The following VPS13A variants were observed in gnomAD, a reference collection of about 807,000 sequenced individuals.
The protein encoded by VPS13A is vacuolar protein sorting 13 homolog A.
Under a neutral mutation model 390.9 loss-of-function variants are expected in VPS13A, and 264 were observed. That is an observed-to-expected ratio of 0.68 (90% CI 0.61 to 0.75). The LOEUF is 0.75. VPS13A is among the 30% of genes least tolerant of loss of function. The pLI, the probability that VPS13A is intolerant of heterozygous loss-of-function variation, is 0.00. For missense variants in VPS13A, 3,409 were observed against 3,733.9 expected (o/e 0.91, Z 2.27); for synonymous variants, 1,231 against 1,227.1 (o/e 1.00, Z -0.07).
chr9:77,381,979 T>C lies in VPS13A; in HGVS notation c.9081T>C (p.Ala3027=). The C allele has an allele frequency of 6.2e-7, 1 of 1,600,488 alleles. No individual in the cohort carries two copies. The highest frequency in any genetic ancestry group is 2.3e-5 in the East Asian group (1 of 44,442). ...ASSTFQGIKR[A]TETSEVESLR... is the part of the protein sequence containing the mutation. ...AGTTATATTTTTTTTCCTCTAGAGC[T>C]ACAGAGACTTCTGAAGTGGAGAGTC... The change falls in exon 68 of 72, where the codon GCT becomes GCC. Residue 3027 remains alanine, a synonymous_variant. Coordinates refer to ENST00000360280, the MANE Select transcript of VPS13A (RefSeq NM_033305.3).
intron 34 of VPS13A, 123 bp downstream of exon 34, chr9:77,303,185 G>A (rs911300903): frequency 3.0e-6 from 3 of 997,244 alleles, no homozygotes; most frequent in African/African-American, 3.2e-5. Flanking sequence ...AATTGAAATA[G>A]TGATTATATT....
intron 17 of VPS13A, among the ~76,000 whole-genome samples, chr9:77,234,598 T>A (rs1315066916): frequency 2.0e-5 from 3 of 152,200 alleles, no homozygotes; most frequent in South Asian, 4.1e-4. Flanking sequence ...TTGTATCATG[T>A]TTTTTTCATC....
chr9:77,225,689 G>A (rs1374555558), intron 13 of VPS13A, among the ~76,000 whole-genome samples: 1 of 152,078 alleles, frequency 6.6e-6, no homozygotes, highest in Non-Finnish European at 1.5e-5. Context: ...TCTTTATGCA[G>A]AATATGTATT....
intron 16 of VPS13A, 102 bp downstream of exon 16, chr9:77,227,587 A>T: frequency 1.1e-6 from 1 of 894,906 alleles, no homozygotes; most frequent in South Asian, 1.5e-5. Flanking sequence ...CAGTGGTGTG[A>T]TCTCTGCTGC....
In VPS13A at chr9:77,370,914, A is replaced by G. The variant is rs200666372; in HGVS notation, c.8932A>G (p.Ile2978Val). The G allele has an allele frequency of 1.4e-5, 22 of 1,613,592 alleles. No individual in the cohort carries two copies. The highest frequency in any genetic ancestry group is 2.7e-5 in the African/African-American group (2 of 74,934). ...GGGATTTGTTAGTGGCATAACAGGA[A>G]TTGTTACAAAACCAATCAAAGGCAA... ...VSGFVSGITG[I>V]VTKPIKGAQK... The change falls in exon 66 of 72, where the codon ATT becomes GTT. Residue 2978 changes from isoleucine to valine, a missense_variant. This residue lies in a region of VPS13A where 318 missense variants were observed against 333.7 expected (regional missense o/e 0.95). Transcript: ENST00000360280.
chr9:77,278,979 G>A (rs56280450), intron 26 of VPS13A, among the ~76,000 whole-genome samples: 28,188 of 152,102 alleles, frequency 0.19, 2,793 homozygotes, highest in Middle Eastern at 0.26. Flanking sequence ...TTTGGGCTCC[G>A]GCCCCAGGAC....
intron 51 of VPS13A, among the ~76,000 whole-genome samples, chr9:77,344,786 AT>A (rs1462902630): frequency 3.9e-5 from 6 of 152,082 alleles, no homozygotes; most frequent in South Asian, 4.1e-4. Flanking sequence ...GTTAGTTGGA[AT>A]GCCTGGAATA....
At chr9:77,353,285 C>T in intron 53 of VPS13A, 124 bp from the exon 54 acceptor site, 1 of 701,592 alleles carries the variant, frequency 1.4e-6, no homozygotes, top group South Asian at 1.8e-5. Flanking sequence ...TTAGTTGCCA[C>T]TAACCCCATG....
At chr9:77,356,891 G>C (rs377757330) in intron 55 of VPS13A, 24 bp downstream of exon 55, 6 of 1,612,160 alleles carry the variant, frequency 3.7e-6, no homozygotes, top group Non-Finnish European at 5.1e-6. Flanking sequence ...GTACTGATGT[G>C]AAGTTTTAAT....
intron 45 of VPS13A, among the ~76,000 whole-genome samples, chr9:77,329,508 A>C (rs1043319163): frequency 3.3e-5 from 5 of 152,192 alleles, no homozygotes; most frequent in African/African-American, 1.2e-4. Flanking sequence ...GAGAATAGGG[A>C]GGTCCGAAGA....
chr9:77,254,248 CT>C (rs563931588), intron 22 of VPS13A, among the ~76,000 whole-genome samples: 213 of 152,256 alleles, frequency 1.4e-3, no homozygotes, highest in Non-Finnish European at 2.3e-3. Flanking sequence ...CGGCCTTATT[CT>C]TTTGCATGCA....
At chr9:77,402,565 AT>A (rs1361294318) in intron 68 of VPS13A, among the ~76,000 whole-genome samples, 4 of 151,524 alleles carry the variant, frequency 2.6e-5, no homozygotes, top group African/African-American at 9.7e-5. Context: ...CTCAGAGCAA[AT>A]ATTACTGAAA....
Position 77,314,079 on chromosome 9 carries a change from A to T in VPS13A, c.4202A>T (p.Asp1401Val). 3 of 1,613,432 alleles carry T rather than the reference A, an allele frequency of 1.9e-6. No homozygotes were observed. Among genetic ancestry groups the T allele is most frequent in the Non-Finnish European group, 2.5e-6 (3 of 1,179,602 alleles). ...ACACTAAACATAAGCTTCAAAACTG[A>T]TGATCTCACCATGGTGCTGTATAGT... is the stretch of plus-strand genomic sequence containing the variant. Reference protein sequence around the residue: ...KTTLNISFKTDDLTMVLYSPG... With the variant: ...KTTLNISFKTVDLTMVLYSPG... Residue 1401 changes from aspartate (D) to valine (V), a missense_variant, in exon 36 of 72, where the codon GAT (aspartate) becomes GTT (valine). Asp to Val is a radical substitution (Grantham distance 152). Coordinates refer to ENST00000360280, the MANE Select transcript of VPS13A (RefSeq NM_033305.3).
chr9:77,415,990 C>T lies in VPS13A; in HGVS notation c.9509C>T (p.Pro3170Leu). The change falls in exon 72 of 72, where the codon CCT becomes CTT. Residue 3170 changes from proline to leucine, a missense_variant. Around this residue, in one of 5 missense-constraint regions of VPS13A, gnomAD observed 318 missense variants for 333.7 expected, o/e 0.95. Transcript: ENST00000360280. ...ACAAAGCTACAAGAAGCAAGAGAAC[C>T]TTCTCCGAGCCTCTGACAGAGAACA... is the stretch of plus-strand genomic sequence containing the variant. ...ILTKLQEAREPSPSL is the reference protein window; with the variant it reads ...ILTKLQEARELSPSL The T allele has an allele frequency of 1.2e-6, 2 of 1,613,494 alleles. No homozygotes were observed. The highest frequency in any genetic ancestry group is 1.7e-6 in the Non-Finnish European group (2 of 1,179,536).
chr9:77,333,488 A>G (rs1049071169), intron 46 of VPS13A, among the ~76,000 whole-genome samples: 6 of 143,408 alleles, frequency 4.2e-5, no homozygotes, highest in South Asian at 2.2e-4. Flanking sequence ...CTGGAGTGCA[A>G]TGGCGGGATC....
intron 1 of VPS13A, among the ~76,000 whole-genome samples, chr9:77,189,395 T>G: frequency 6.6e-6 from 1 of 151,938 alleles, no homozygotes; most frequent in Non-Finnish European, 1.5e-5. Context: ...TCAGTTTTGT[T>G]AAAATCAGAT....
Position 77,293,446 on chromosome 9 carries a change from G to A in VPS13A, c.3445G>A (p.Val1149Ile), listed in dbSNP as rs375566809. The A allele has an allele frequency of 5.6e-6, 9 of 1,607,400 alleles. No individual in the cohort carries two copies. Among genetic ancestry groups the A allele is most frequent in the Non-Finnish European group, 7.6e-6 (9 of 1,176,870 alleles). The stretch of plus-strand genomic sequence containing the variant: ...AGATATGAATGTGGTTGACATTCAG[G>A]TTAATTTAATAGTTGGTTGCATTGA... ...YTDMNVVDIQ[V>I]NLIVGCIEVV... Residue 1149 changes from valine to isoleucine, a missense_variant, in exon 32 of 72, where the codon GTT (valine) becomes ATT (isoleucine). Physicochemically the swap from Val to Ile is conservative, Grantham distance 29 (BLOSUM62 3). Coordinates refer to ENST00000360280, the MANE Select transcript of VPS13A (RefSeq NM_033305.3).
chr9:77,250,726 G>A (rs1374920181), intron 21 of VPS13A, among the ~76,000 whole-genome samples: 1 of 152,160 alleles, frequency 6.6e-6, no homozygotes, highest in Non-Finnish European at 1.5e-5. Flanking sequence ...AAAGACGAGG[G>A]TCACTCTCCT....
At chr9:77,405,417 CCT>C (rs1297129034) in intron 69 of VPS13A, among the ~76,000 whole-genome samples, 32 of 152,084 alleles carry the variant, frequency 2.1e-4, no homozygotes, top group African/African-American at 6.7e-4. Flanking sequence ...GTAAATGTAC[CCT>C]GTTTCTTATG....
Sources: allele counts gnomAD v4.1 joint callset (sites outside exome capture counted in the v4.1 genomes callset), GRCh38; gene constraint gnomAD v4.1.1; regional missense constraint gnomAD v4.1.1; transcripts MANE v1.5; gene names NCBI Gene and HGNC (gene_info 2026-07-23, HGNC 2026-07-21).